The following GLRX3 variants were observed in gnomAD, a reference collection of about 807,000 sequenced individuals.
GLRX3 encodes glutaredoxin-3.
In GLRX3, 22 loss-of-function variants were observed where a neutral mutation model predicts 49.5. The observed-to-expected ratio is 0.44, with a 90% CI of 0.32 to 0.63. GLRX3 has a LOEUF of 0.63. Among genes scored for constraint, GLRX3 ranks in the 30% least tolerant of loss-of-function variants. The pLI, the probability that GLRX3 is intolerant of heterozygous loss-of-function variation, is 0.05. For missense variants in GLRX3, 385 were observed against 396.3 expected, an observed-to-expected ratio of 0.97 and a Z score of 0.24; for synonymous variants, 133 against 140.0, an observed-to-expected ratio of 0.95 and a Z score of 0.35.
chr10:130,179,524 T>C lies in GLRX3; in HGVS notation c.*132T>C. On this transcript the variant is annotated 3_prime_UTR_variant, in exon 11 of 11. Coordinates refer to ENST00000331244, the MANE Select transcript of GLRX3 (RefSeq NM_006541.5). ...TTCTCAGTTACATGTTTTGTGTATT[T>C]CACAATGTCGTGCTAAATAAATGTA... The C allele has an allele frequency of 1.5e-6, 1 of 658,176 alleles. No homozygotes were observed. The highest frequency in any genetic ancestry group is 1.8e-5 in the South Asian group (1 of 55,288). 40.8% of individuals were successfully genotyped at this position (658,176 alleles called of 1,614,324 possible).
At chr10:130,167,885 C>T (rs1040729594) in intron 6 of GLRX3, among the ~76,000 whole-genome samples, 3 of 152,172 alleles carry the variant, frequency 2.0e-5, no homozygotes, top group Admixed American at 1.3e-4. Flanking sequence ...GAAAATGATA[C>T]TCCTCATCCC....
At chr10:130,146,967 A>G (rs11017105) in intron 2 of GLRX3, among the ~76,000 whole-genome samples, 27,443 of 152,238 alleles carry the variant, frequency 0.18, 2,942 homozygotes, top group Admixed American at 0.26. Context: ...ATGTCCGTTG[A>G]GAAGGCCCAC....
intron 2 of GLRX3, among the ~76,000 whole-genome samples, chr10:130,156,475 CTT>C (rs754957809): frequency 7.2e-4 from 109 of 152,306 alleles, no homozygotes; most frequent in Non-Finnish European, 7.2e-4. Flanking sequence ...TATGGAACCT[CTT>C]TAAGTTCCAG....
rs114928865 is a variant in GLRX3 at position 130,141,328 on chromosome 10, A to G, written c.93-3883A>G. Among the ~76,000 whole-genome samples the G allele has an allele frequency of 9.3e-3, 1,416 of 152,266 alleles. 18 individuals are homozygous for G. Among genetic ancestry groups the G allele is most frequent in the African/African-American group, 0.032 (1,346 of 41,540 alleles). On this transcript the variant is annotated intron_variant, in intron 1 of 10. Transcript: ENST00000331244. ...AAAAAAAAAATTTTTTTTTTGGTCA[A>G]TTTGGTGGAAAATGGTATCCCAGCT...
At chr10:130,174,771 C>T (rs929362831) in intron 8 of GLRX3, 96 bp from the exon 9 acceptor site, 28 of 789,450 alleles carry the variant, frequency 3.5e-5, no homozygotes, top group South Asian at 2.8e-4. Context: ...AGCAGTGAAA[C>T]GGTTTTCTTG....
intron 8 of GLRX3, among the ~76,000 whole-genome samples, chr10:130,173,931 G>T (rs187583671): frequency 6.6e-6 from 1 of 152,228 alleles, no homozygotes; most frequent in Admixed American, 6.5e-5. Flanking sequence ...TTTATGGAAA[G>T]TCCAGTTTTT....
chr10:130,144,818 A>G (rs1393554525), intron 1 of GLRX3, among the ~76,000 whole-genome samples: 2 of 152,216 alleles, frequency 1.3e-5, no homozygotes, highest in Non-Finnish European at 2.9e-5. Context: ...TTTTGGGTAT[A>G]TACCCAGTAA....
chr10:130,151,940 TC>T (rs1299382809), intron 2 of GLRX3, among the ~76,000 whole-genome samples: 2 of 152,198 alleles, frequency 1.3e-5, no homozygotes, highest in Non-Finnish European at 1.5e-5. Context: ...CTTGACTCTG[TC>T]CAATTTGCCA....
intron 4 of GLRX3, among the ~76,000 whole-genome samples, chr10:130,161,393 C>A (rs1046033076): frequency 6.6e-6 from 1 of 152,144 alleles, no homozygotes; most frequent in Non-Finnish European, 1.5e-5. Flanking sequence ...TCTTTCTTGG[C>A]AGCCTCCTGT....
intron 1 of GLRX3, among the ~76,000 whole-genome samples, chr10:130,138,151 G>A (rs1488896956): frequency 6.6e-6 from 1 of 152,000 alleles, no homozygotes; most frequent in African/African-American, 2.4e-5. Context: ...CTACCTCCTG[G>A]GTTCAAGCGA....
chr10:130,169,520 A>C, intron 7 of GLRX3, 30 bp downstream of exon 7: 1 of 1,431,096 alleles, frequency 7.0e-7, no homozygotes, highest in South Asian at 1.1e-5. Flanking sequence ...TTTTATTTGT[A>C]ATTTCTTTTG....
At chr10:130,149,825 G>A (rs1862337802) in intron 2 of GLRX3, among the ~76,000 whole-genome samples, 1 of 148,650 alleles carries the variant, frequency 6.7e-6, no homozygotes, top group Admixed American at 6.7e-5. Flanking sequence ...ATCAGGAAAT[G>A]CCCTATATTT....
At chr10:130,163,784 CTCT>C (rs1182339861) in intron 4 of GLRX3, among the ~76,000 whole-genome samples, 9 of 152,292 alleles carry the variant, frequency 5.9e-5, no homozygotes, top group East Asian at 1.9e-4. Flanking sequence ...ATTGTTTTTG[CTCT>C]TCTTCTGGCA....
Position 130,165,595 on chromosome 10 carries a change from ATAT to A in GLRX3, c.479-911_479-909del, listed in dbSNP as rs200809592. Reference sequence around the variant, plus strand: ...TACCGTCAATCTATTGATGGTTCATATATAACAACAGAGAAGATAGCTTTAAAA... The same window carrying A: ...TACCGTCAATCTATTGATGGTTCATAAACAACAGAGAAGATAGCTTTAAAA... On this transcript the variant is annotated intron_variant, in intron 4 of 10. Transcript: ENST00000331244. 7.9e-3 allele frequency among the ~76,000 whole-genome samples: 1,200 copies of A among 152,316 alleles called. 11 individuals carry two copies. Among genetic ancestry groups the A allele is most frequent in the African/African-American group, 0.027 (1,136 of 41,578 alleles).
intron 8 of GLRX3, among the ~76,000 whole-genome samples, chr10:130,172,711 G>T (rs1415493812): frequency 1.3e-5 from 2 of 152,218 alleles, no homozygotes; most frequent in Non-Finnish European, 2.9e-5. Flanking sequence ...GGAGGCTGAG[G>T]TGAGTGGATC....
chr10:130,143,569 C>T (rs979637332), intron 1 of GLRX3, among the ~76,000 whole-genome samples: 3 of 151,884 alleles, frequency 2.0e-5, no homozygotes, highest in Non-Finnish European at 2.9e-5. Flanking sequence ...TGCTCTGTTG[C>T]CCACACTGGA....
At chr10:130,158,282 G>C (rs1862514994) in intron 2 of GLRX3, among the ~76,000 whole-genome samples, 2 of 150,770 alleles carry the variant, frequency 1.3e-5, no homozygotes, top group Non-Finnish European at 2.9e-5. Flanking sequence ...GTGCGATCTT[G>C]GCTCACTGCA....
chr10:130,176,490 T>C lies in GLRX3; in HGVS notation c.957+1401T>C, dbSNP rs538373559. On this transcript the variant is annotated intron_variant, in intron 10 of 10. Coordinates refer to ENST00000331244, the MANE Select transcript of GLRX3 (RefSeq NM_006541.5). Reference sequence around the variant, plus strand: ...CCTACCACTGAAATGACATCAGCACTTTGGACCAATATGTTTTATAAAAAC... The same window carrying C: ...CCTACCACTGAAATGACATCAGCACCTTGGACCAATATGTTTTATAAAAAC... Among the ~76,000 whole-genome samples the C allele has an allele frequency of 2.0e-5, 3 of 152,316 alleles. No individual in the cohort carries two copies. The East Asian group carries it at 5.8e-4, about 29-fold the overall frequency.
At chr10:130,144,761 A>G (rs925759705) in intron 1 of GLRX3, among the ~76,000 whole-genome samples, 13 of 152,244 alleles carry the variant, frequency 8.5e-5, no homozygotes, top group African/African-American at 1.9e-4. Flanking sequence ...TAGTGCTGCA[A>G]TAACATAATG....
Sources: gnomAD v4.1 joint callset for allele counts (sites outside exome capture counted in the v4.1 genomes callset) on GRCh38, gnomAD v4.1.1 for gene constraint, MANE v1.5 for transcripts, NCBI Gene and HGNC (gene_info 2026-07-23, HGNC 2026-07-21) for gene names.